ZNF341: variants seen among roughly 807,000 people sequenced by gnomAD.
The protein encoded by ZNF341 is zinc finger protein 341.
ZNF341 carries 52 observed loss-of-function variants against 87.7 expected under a neutral mutation model. That is an observed-to-expected ratio of 0.59 (90% CI 0.47 to 0.75). The LOEUF (loss-of-function observed/expected upper bound fraction) is 0.75, where lower values mean the gene tolerates loss of function less well. Among genes scored for constraint, ZNF341 ranks in the 30% least tolerant of loss-of-function variants. ZNF341 has a pLI of 0.00. For synonymous variants in ZNF341, 459 were observed against 472.7 expected (o/e 0.97, Z 0.38); for missense variants, 977 against 1,145.9 (o/e 0.85, Z 2.13).
intron 4 of ZNF341, among the ~76,000 whole-genome samples, chr20:33,749,621 G>A (rs574090378): frequency 2.3e-3 from 344 of 151,826 alleles, no homozygotes; most frequent in African/African-American, 8.2e-3. Flanking sequence ...TAATGGAGAC[G>A]GGGTTTCACC....
chr20:33,766,682 C>T (rs1470243155), intron 8 of ZNF341, among the ~76,000 whole-genome samples, 169 bp from the exon 9 acceptor site: 1 of 152,162 alleles, frequency 6.6e-6, no homozygotes, highest in Non-Finnish European at 1.5e-5. Flanking sequence ...TGGGAATGGC[C>T]GTACCAGTGC....
intron 4 of ZNF341, chr20:33,752,377 C>G: frequency 1.6e-6 from 1 of 630,286 alleles, no homozygotes. Flanking sequence ...GAGTTCCCAT[C>G]TCCTTCATGG....
At chr20:33,787,487 A>G (rs1428761343) in intron 12 of ZNF341, 1 of 152,208 alleles carries the variant, frequency 6.6e-6, no homozygotes, top group Non-Finnish European at 1.5e-5. Flanking sequence ...CAGAGGGAGA[A>G]CAGAGAGGAA....
At chr20:33,778,878 G>A (rs1226847317) in intron 10 of ZNF341, among the ~76,000 whole-genome samples, 3 of 151,926 alleles carry the variant, frequency 2.0e-5, no homozygotes, top group Non-Finnish European at 4.4e-5. Context: ...TCCTTAGCTG[G>A]CACATGTTTT....
chr20:33,738,500 T>C (rs572778848), intron 1 of ZNF341, among the ~76,000 whole-genome samples: 1 of 152,290 alleles, frequency 6.6e-6, no homozygotes, highest in East Asian at 1.9e-4. Flanking sequence ...TCCCTAGTTA[T>C]CTTGGCCCAA....
intron 10 of ZNF341, among the ~76,000 whole-genome samples, chr20:33,774,067 G>A (rs1472983373): frequency 6.7e-6 from 1 of 150,220 alleles, no homozygotes; most frequent in Non-Finnish European, 1.5e-5. Flanking sequence ...ATCACTTGAG[G>A]TCAGGAGTTT....
intron 8 of ZNF341, among the ~76,000 whole-genome samples, chr20:33,764,565 T>A (rs868718863): frequency 2.0e-3 from 130 of 66,230 alleles, no homozygotes; most frequent in East Asian, 0.01. Flanking sequence ...ATATATATTT[T>A]TTTTTTTTTT....
chr20:33,740,651 T>C (rs575913168), intron 1 of ZNF341, among the ~76,000 whole-genome samples: 8 of 152,226 alleles, frequency 5.3e-5, no homozygotes, highest in Admixed American at 5.2e-4. Flanking sequence ...ACCACAGGCA[T>C]GCACCACCAA....
chr20:33,748,967 C>T lies in ZNF341; in HGVS notation c.384C>T (p.Thr128=). The change falls in exon 4 of 15, where the codon ACC becomes ACT. Residue 128 remains threonine (T), a synonymous_variant. Transcript: ENST00000375200. ...ITVPPSPLIQ[T]LVQGNILVSD... ...TGCCCCCGTCCCCACTGATCCAGAC[C>T]CTGGTGCAGGGGAACATCTTGGTGA... 14 of 1,614,190 alleles carry T rather than the reference C, an allele frequency of 8.7e-6. No individual in the cohort carries two copies. The highest frequency in any genetic ancestry group is 7.7e-5 in the South Asian group (7 of 91,080).
At chr20:33,772,700 C>T (rs941374261) in intron 10 of ZNF341, among the ~76,000 whole-genome samples, 7 of 152,084 alleles carry the variant, frequency 4.6e-5, no homozygotes, top group Admixed American at 2.6e-4. Flanking sequence ...TAAAATACAA[C>T]AGCAAGTGAT....
At chr20:33,762,484 G>GAATA (rs899562780) in intron 8 of ZNF341, among the ~76,000 whole-genome samples, 1 of 151,548 alleles carries the variant, frequency 6.6e-6, no homozygotes, top group African/African-American at 2.4e-5. Flanking sequence ...ATAAATGAAT[G>GAATA]AATAAATAAA....
chr20:33,755,998 G>C (rs1274524955), intron 5 of ZNF341, among the ~76,000 whole-genome samples: 2 of 151,978 alleles, frequency 1.3e-5, no homozygotes. Flanking sequence ...CGAGGTGGGT[G>C]GATCACTTAA....
Position 33,753,239 on chromosome 20 carries a change from C to T in ZNF341, c.557C>T (p.Pro186Leu), listed in dbSNP as rs1601248636. 6.2e-7 allele frequency: 1 copy of T among 1,611,820 alleles called. No individual in the cohort carries two copies. The highest frequency in any genetic ancestry group is 8.5e-7 in the Non-Finnish European group (1 of 1,179,924). Residue 186 changes from proline (P) to leucine (L), a missense_variant, in exon 5 of 15, where the codon CCA becomes CTA. By Grantham distance (98) the Pro-to-Leu change is moderately conservative. Transcript: ENST00000375200. Reference sequence around the variant, plus strand: ...CCTCCACCTCCTCCTCCACCTCCTCCACCACTGCCCCCACCGCCACCACCT... The same window carrying T: ...CCTCCACCTCCTCCTCCACCTCCTCTACCACTGCCCCCACCGCCACCACCT... ...TQPPPPPPPP[P>L]PLPPPPPPQP...
At position 33,740,888 on chromosome 20, in the gene ZNF341, A is replaced by T; in HGVS notation, c.32-14A>T. 1.2e-6 allele frequency: 2 copies of T among 1,612,204 alleles called. No individual in the cohort carries two copies. The highest frequency in any genetic ancestry group is 1.7e-6 in the Non-Finnish European group (2 of 1,178,288). On this transcript the variant is annotated splice_polypyrimidine_tract_variant and intron_variant, in intron 1 of 14. Transcript: ENST00000375200. ...TGGGCCTACCTTCCAAAGAGGCTGC[A>T]CTTCTTTTTTCAGGAATGGACAATC...
rs114595689 is a variant in ZNF341, at chr20:33,757,065, A to C, written c.742-83A>C. On this transcript the variant is annotated intron_variant, in intron 5 of 14. Coordinates refer to ENST00000375200, the MANE Select transcript of ZNF341 (RefSeq NM_001282933.2). ...TAGGGGAGAGCGGCTGAGGTCAATC[A>C]GGGAGGCAGGGAGAGTGCCCCTGGC... The C allele has an allele frequency of 2.9e-3, 3,449 of 1,189,154 alleles. 90 individuals are homozygous for C. In the African/African-American group the frequency reaches 0.049, roughly 17 times the overall value. The allele number at this position is 1,189,154 out of a possible 1,614,324, so 73.7% of individuals were successfully genotyped here.
chr20:33,791,368 G>T lies in ZNF341; in HGVS notation c.2416G>T (p.Gly806Cys). ...EPDAVLSIVV[G>C]GAVGAETELV... ...GGACGCGGTGCTGTCCATCGTTGTGGGTGGTGCGGTGGGCGCGGAAACTGA... is the reference window on the plus strand; with the variant it reads ...GGACGCGGTGCTGTCCATCGTTGTGTGTGGTGCGGTGGGCGCGGAAACTGA... The change falls in exon 15 of 15, where the codon GGT (glycine) becomes TGT (cysteine). Residue 806 changes from glycine to cysteine, a missense_variant. Gly to Cys is a radical substitution (Grantham distance 159). Coordinates refer to ENST00000375200, the MANE Select transcript of ZNF341 (RefSeq NM_001282933.2). 1.9e-6 allele frequency: 3 copies of T among 1,612,776 alleles called. No homozygotes were observed. Among genetic ancestry groups the T allele is most frequent in the Non-Finnish European group, 2.5e-6 (3 of 1,179,694 alleles).
chr20:33,765,840 C>T (rs1346724826), intron 8 of ZNF341, among the ~76,000 whole-genome samples: 1 of 152,120 alleles, frequency 6.6e-6, no homozygotes, highest in Non-Finnish European at 1.5e-5. Context: ...AAGTGAGGAA[C>T]AGTGTAGTGA....
chr20:33,733,243 G>C (rs2018613841), intron 1 of ZNF341, among the ~76,000 whole-genome samples: 1 of 142,882 alleles, frequency 7.0e-6, no homozygotes, highest in African/African-American at 2.6e-5. Flanking sequence ...TTTTGAGACA[G>C]AGTCTTGCTC....
intron 5 of ZNF341, among the ~76,000 whole-genome samples, chr20:33,754,687 C>T (rs994001797): frequency 4.6e-5 from 7 of 152,188 alleles, no homozygotes; most frequent in African/African-American, 1.7e-4. Flanking sequence ...GAAGGAGCTG[C>T]TGCTGTTGAT....
Sources: gnomAD v4.1 joint callset for allele counts (sites outside exome capture counted in the v4.1 genomes callset) on GRCh38, gnomAD v4.1.1 for gene constraint, MANE v1.5 for transcripts, NCBI Gene and HGNC (gene_info 2026-07-23, HGNC 2026-07-21) for gene names.